The following XXYLT1 variants were observed in gnomAD, a reference collection of about 807,000 sequenced individuals.
XXYLT1 encodes the protein xyloside xylosyltransferase 1, also known as UDP-xylose:alpha-xyloside alpha-1,3-xylosyltransferase.
A neutral mutation model predicts 28.9 loss-of-function variants in XXYLT1; 20 were observed. The ratio of observed to expected loss-of-function variants is 0.69; its 90% CI spans 0.49 to 1.00. The LOEUF (loss-of-function observed/expected upper bound fraction) is 1.00, where lower values mean the gene tolerates loss of function less well. Among genes scored for constraint, XXYLT1 ranks in the 50% least tolerant of loss-of-function variants. The pLI is 0.00. For synonymous variants in XXYLT1, 257 were observed against 253.8 expected (o/e 1.01, Z -0.12); for missense variants, 542 against 560.1 (o/e 0.97, Z 0.33).
At chr3:195,184,143 G>C (rs1376093840) in intron 2 of XXYLT1, among the ~76,000 whole-genome samples, 1 of 152,204 alleles carries the variant, frequency 6.6e-6, no homozygotes, top group Admixed American at 6.5e-5. Flanking sequence ...AACCATCAGA[G>C]CAAGATACAC....
chr3:195,138,724 G>A (rs1047071354), intron 3 of XXYLT1, among the ~76,000 whole-genome samples: 1 of 151,862 alleles, frequency 6.6e-6, no homozygotes, highest in South Asian at 2.1e-4. Context: ...GCATGGTGGC[G>A]GGTGCCTATA....
chr3:195,226,077 C>T (rs985923027), intron 2 of XXYLT1, among the ~76,000 whole-genome samples: 4 of 152,104 alleles, frequency 2.6e-5, no homozygotes, highest in Non-Finnish European at 5.9e-5. Flanking sequence ...GTAGGGAGAT[C>T]CTAGAAACCA....
At chr3:195,139,087 G>A (rs1719349483) in intron 3 of XXYLT1, among the ~76,000 whole-genome samples, 1 of 152,134 alleles carries the variant, frequency 6.6e-6, no homozygotes, top group African/African-American at 2.4e-5. Flanking sequence ...GCTGCCCCCA[G>A]TGTCAGGCTA....
chr3:195,172,035 G>T lies in XXYLT1; in HGVS notation c.653-15454C>A, dbSNP rs1027669983. 7.2e-5 allele frequency among the ~76,000 whole-genome samples: 11 copies of T among 152,284 alleles called. 1 individual carries two copies. The South Asian group carries it at 2.3e-3, about 32-fold the overall frequency. Reference sequence around the variant, plus strand: ...AGGAAAAGGGATGTTCCTTTTCCAGGGGAGCCAGTTTGAGTTTTGTTTTCT... The same window carrying T: ...AGGAAAAGGGATGTTCCTTTTCCAGTGGAGCCAGTTTGAGTTTTGTTTTCT... On this transcript the variant is annotated intron_variant, in intron 2 of 3. Coordinates refer to ENST00000310380, the MANE Select transcript of XXYLT1 (RefSeq NM_152531.5).
intron 3 of XXYLT1, among the ~76,000 whole-genome samples, chr3:195,090,515 C>T (rs1032081243): frequency 1.2e-4 from 18 of 150,490 alleles, no homozygotes; most frequent in African/African-American, 4.0e-4. Context: ...ATCTCTGGGA[C>T]GCATTCAAAG....
chr3:195,129,847 G>A lies in XXYLT1; in HGVS notation c.785+26602C>T, dbSNP rs914388908. ...GGTCTCTGTACACCTATCTAGGAGTGGAACGGCTGGTCAGGGTCACTAAGT... is the reference window on the plus strand; with the variant it reads ...GGTCTCTGTACACCTATCTAGGAGTAGAACGGCTGGTCAGGGTCACTAAGT... On this transcript the variant is annotated intron_variant, in intron 3 of 3. Coordinates refer to ENST00000310380, the MANE Select transcript of XXYLT1 (RefSeq NM_152531.5). The surrounding 1 kb of genome is among the most constrained non-coding windows in gnomAD (Gnocchi z 4.4). 2.6e-5 allele frequency among the ~76,000 whole-genome samples: 4 copies of A among 152,162 alleles called. No homozygotes were observed. Among genetic ancestry groups the A allele is most frequent in the African/African-American group, 9.7e-5 (4 of 41,442 alleles).
intron 3 of XXYLT1, among the ~76,000 whole-genome samples, chr3:195,119,908 AGGCAGGG>A (rs1354965685): frequency 1.4e-5 from 1 of 72,030 alleles, no homozygotes; most frequent in Non-Finnish European, 2.6e-5. Flanking sequence ...GAAGCAGGGA[AGGCAGGG>A]GGAGGTCAGG....
At chr3:195,155,666 C>T (rs765599915) in intron 3 of XXYLT1, among the ~76,000 whole-genome samples, 127 of 151,450 alleles carry the variant, frequency 8.4e-4, no homozygotes, top group African/African-American at 2.9e-3. Flanking sequence ...CGCCCCCCAC[C>T]GCCTGCCACG....
chr3:195,201,629 C>T (rs759836703), intron 2 of XXYLT1, among the ~76,000 whole-genome samples: 3 of 152,184 alleles, frequency 2.0e-5, no homozygotes, highest in African/African-American at 4.8e-5. Flanking sequence ...TGGCTTTTCA[C>T]GCTTTTGGCT....
intron 3 of XXYLT1, among the ~76,000 whole-genome samples, chr3:195,123,169 C>T (rs1440613746): frequency 6.6e-6 from 1 of 151,732 alleles, no homozygotes; most frequent in East Asian, 1.9e-4. Flanking sequence ...ATGTGCAAGC[C>T]TCTAATTTAC....
At chr3:195,110,832 G>C (rs1157331731) in intron 3 of XXYLT1, among the ~76,000 whole-genome samples, 1 of 114,504 alleles carries the variant, frequency 8.7e-6, no homozygotes, top group Non-Finnish European at 1.8e-5. Context: ...ATAAGTGTGT[G>C]TGTGGTGTGT....
intron 3 of XXYLT1, among the ~76,000 whole-genome samples, chr3:195,083,102 G>A (rs78584851): frequency 0.025 from 3,776 of 152,266 alleles, 173 homozygotes; most frequent in African/African-American, 0.087. Context: ...TAGAGCGCCC[G>A]GCCCCCAGCG....
intron 3 of XXYLT1, among the ~76,000 whole-genome samples, chr3:195,071,253 T>A (rs2108634981): frequency 2.0e-5 from 3 of 152,268 alleles, no homozygotes; most frequent in Admixed American, 2.0e-4. Flanking sequence ...CAGAACCAGC[T>A]CTGCCTCCCA....
At chr3:195,086,013 T>C (rs1202992072) in intron 3 of XXYLT1, 1 of 152,256 alleles carries the variant, frequency 6.6e-6, no homozygotes, top group Non-Finnish European at 1.5e-5. Flanking sequence ...TTTCAAGGAC[T>C]GCCTGGGGCC....
intron 3 of XXYLT1, among the ~76,000 whole-genome samples, chr3:195,074,087 T>A (rs1184110150): frequency 2.6e-5 from 4 of 152,102 alleles, no homozygotes; most frequent in Non-Finnish European, 4.4e-5. Flanking sequence ...TCTTCGTGAT[T>A]TTTTTTCTCC....
chr3:195,180,498 C>A lies in XXYLT1; in HGVS notation c.653-23917G>T. On this transcript the variant is annotated intron_variant, in intron 2 of 3. Transcript: ENST00000310380. The surrounding 1 kb of genome is among the most constrained non-coding windows in gnomAD (Gnocchi z 5.8). ...TGTTCCTTTTTCTTTCTATGCTCCT[C>A]TTCCTGGCTCTGTAGCCCTTGAAAA... 4 of 985,528 alleles carry A rather than the reference C, an allele frequency of 4.1e-6. No homozygotes were observed. The highest frequency in any genetic ancestry group is 4.8e-6 in the Non-Finnish European group (4 of 829,988). 61.0% of individuals were successfully genotyped at this position (985,528 alleles called of 1,614,324 possible).
intron 2 of XXYLT1, among the ~76,000 whole-genome samples, chr3:195,187,116 T>C (rs1722233378): frequency 6.6e-6 from 1 of 150,766 alleles, no homozygotes; most frequent in Non-Finnish European, 1.5e-5. Context: ...CGGGCGCCTG[T>C]AGTCCCAGCT....
chr3:195,270,176 G>T, intron 1 of XXYLT1: 1 of 491,468 alleles, frequency 2.0e-6, no homozygotes, highest in Non-Finnish European at 3.9e-6. Flanking sequence ...ATGACTACTG[G>T]TGACCAGTCC....
intron 2 of XXYLT1, among the ~76,000 whole-genome samples, chr3:195,188,250 T>G (rs1308155146): frequency 6.6e-6 from 1 of 152,238 alleles, no homozygotes; most frequent in Non-Finnish European, 1.5e-5. Flanking sequence ...GGAGTGAGGC[T>G]GAAACAATCC....
Sources: allele counts gnomAD v4.1 joint callset (sites outside exome capture counted in the v4.1 genomes callset), GRCh38; gene constraint gnomAD v4.1.1; non-coding constraint Gnocchi (gnomAD v3.1); transcripts MANE v1.5; gene names NCBI Gene and HGNC (gene_info 2026-07-23, HGNC 2026-07-21).